GK: variants seen among roughly 807,000 people sequenced by gnomAD.
The protein encoded by GK is ATP:glycerol 3-phosphotransferase.
GK carries 9 observed loss-of-function variants against 56.4 expected under a neutral mutation model. That is an observed-to-expected ratio of 0.16 (90% confidence interval 0.10 to 0.28). The LOEUF (loss-of-function observed/expected upper bound fraction) is 0.28, where lower values mean the gene tolerates loss of function less well. Ranked by LOEUF, GK falls within the 10% of genes least tolerant of loss-of-function variation. The pLI is 1.00. For synonymous variants in GK, 104 were observed against 144.1 expected, an observed-to-expected ratio of 0.72 and a Z score of 1.99; for missense variants, 161 against 431.4, an observed-to-expected ratio of 0.37 and a Z score of 5.55.
At chrX:30,665,421 C>T (rs1933007048) in intron 1 of GK, 90 bp from the exon 2 acceptor site, 1 of 567,933 alleles carries the variant, frequency 1.8e-6, no homozygotes, top group African/African-American at 2.2e-5. Flanking sequence ...CTTTTTCTAC[C>T]AGTGAACAAG....
At chrX:30,655,080 A>G (rs1390961570) in intron 1 of GK, among the ~76,000 whole-genome samples, 1 of 111,842 alleles carries the variant, frequency 8.9e-6, no homozygotes, top group Non-Finnish European at 1.9e-5. Context: ...CTTTCAGTCT[A>G]ATTTTGGTTT....
chrX:30,675,773 G>A (rs751948766), intron 3 of GK, among the ~76,000 whole-genome samples: 17 of 109,645 alleles, frequency 1.6e-4, no homozygotes, highest in African/African-American at 4.6e-4. Flanking sequence ...GGGACTAAAG[G>A]AACACACCAC....
At chrX:30,664,600 TA>T (rs1476660045) in intron 1 of GK, among the ~76,000 whole-genome samples, 1 of 110,303 alleles carries the variant, frequency 9.1e-6, no homozygotes, top group African/African-American at 3.3e-5. Flanking sequence ...TTTAATGTTT[TA>T]TATCAAGGGT....
intron 13 of GK, among the ~76,000 whole-genome samples, chrX:30,710,462 TA>T (rs1240158864): frequency 9.0e-5 from 10 of 111,642 alleles, no homozygotes; most frequent in Non-Finnish European, 1.3e-4. Flanking sequence ...AACAAACATT[TA>T]AAAAAAATTA....
At chrX:30,654,458 T>C (rs766026488) in intron 1 of GK, among the ~76,000 whole-genome samples, 1 of 112,314 alleles carries the variant, frequency 8.9e-6, no homozygotes, top group South Asian at 3.7e-4. Flanking sequence ...TAAAAGTAAT[T>C]GAGGCCGGGC....
At chrX:30,710,460 T>TG (rs1465840804) in intron 13 of GK, among the ~76,000 whole-genome samples, 1 of 111,535 alleles carries the variant, frequency 9.0e-6, no homozygotes, top group African/African-American at 3.3e-5. Context: ...TTAACAAACA[T>TG]TTAAAAAAAA....
chrX:30,672,650 C>T, intron 3 of GK, among the ~76,000 whole-genome samples: 1 of 111,577 alleles, frequency 9.0e-6, no homozygotes. Flanking sequence ...CCCATCTCTA[C>T]TAAAAATACA....
intron 4 of GK, among the ~76,000 whole-genome samples, chrX:30,690,614 T>C (rs1044122279): frequency 3.6e-5 from 4 of 111,736 alleles, no homozygotes; most frequent in Non-Finnish European, 7.5e-5. Context: ...TAAATAAGCA[T>C]TTCATACATA....
chrX:30,675,945 A>G (rs1013074782), intron 3 of GK, among the ~76,000 whole-genome samples: 8 of 111,359 alleles, frequency 7.2e-5, no homozygotes, highest in Non-Finnish European at 3.8e-5. Flanking sequence ...ACATGCCACC[A>G]TGCCTGGCTA....
At chrX:30,681,757 T>C (rs1404039150) in intron 4 of GK, among the ~76,000 whole-genome samples, 1 of 111,761 alleles carries the variant, frequency 8.9e-6, no homozygotes, top group Non-Finnish European at 1.9e-5. Context: ...AAGTTATCAG[T>C]GGAAACAAAG....
chrX:30,712,152 TC>T (rs1936354401), intron 13 of GK, among the ~76,000 whole-genome samples: 1 of 112,458 alleles, frequency 8.9e-6, no homozygotes, highest in African/African-American at 3.2e-5. Flanking sequence ...GCTGTTTTTT[TC>T]ATTGCTTCTT....
rs1266744469 is a variant in GK at position 30,730,471 on chromosome X, A to G, written c.*1729A>G. ...AAGTAGGTTGAGTTCATTGTAAATA[A>G]TTGTGAAAGCCACTGTTCAAATAAT... On this transcript the variant is annotated 3_prime_UTR_variant, in exon 21 of 21. Transcript: ENST00000427190. 7.1e-5 allele frequency: 8 copies of G among 112,215 alleles called. No homozygotes were observed. The highest frequency in any genetic ancestry group is 1.5e-4 in the Non-Finnish European group (8 of 53,281). The allele number at this position is 112,215 out of a possible 1,213,427, so 9.2% of individuals were successfully genotyped here.
chrX:30,689,446 G>A (rs556172138), intron 4 of GK: 10 of 324,023 alleles, frequency 3.1e-5, no homozygotes, highest in Admixed American at 2.9e-4. Flanking sequence ...AAAGCAGGGG[G>A]CAGTTCTTTT....
At chrX:30,674,417 G>T (rs1933740508) in intron 3 of GK, 2 of 327,947 alleles carry the variant, frequency 6.1e-6, no homozygotes, top group Non-Finnish European at 1.2e-5. Flanking sequence ...CATCACAAGG[G>T]CAGCAATAGC....
Position 30,678,026 on chromosome X carries a change from T to C in GK, c.337+574T>C, listed in dbSNP as rs933753488. 1.3e-5 allele frequency: 7 copies of C among 545,617 alleles called. No individual in the cohort carries two copies. In the Admixed American group the frequency reaches 1.5e-4, roughly 11 times the overall value. The allele number at this position is 545,617 out of a possible 1,213,427, so 45.0% of individuals were successfully genotyped here. A position where few individuals can be genotyped will look rare whatever the true frequency, so the allele number is the denominator to read the frequency against. On this transcript the variant is annotated intron_variant, in intron 4 of 20. Coordinates refer to ENST00000427190, the MANE Select transcript of GK (RefSeq NM_001205019.2). ...TACAAATGAGTGAATGTTTGCCAAA[T>C]TGTTTTATAACCCCTGCTGTTTGTG...
intron 3 of GK, chrX:30,671,955 C>G (rs1310978276): frequency 9.1e-6 from 1 of 109,533 alleles, no homozygotes; most frequent in African/African-American, 3.3e-5. Context: ...ACCAGCCTGA[C>G]CAACTTGGAG....
At chrX:30,670,609 T>C (rs868398432) in intron 3 of GK, among the ~76,000 whole-genome samples, 3 of 108,493 alleles carry the variant, frequency 2.8e-5, no homozygotes, top group Admixed American at 1.0e-4. Context: ...TTTTTTTTTT[T>C]CCCAGAAAAT....
chrX:30,704,474 T>C (rs1935878617), intron 11 of GK, among the ~76,000 whole-genome samples: 1 of 109,161 alleles, frequency 9.2e-6, no homozygotes, highest in Admixed American at 9.8e-5. Context: ...GACATATTTA[T>C]GAGGGAGGCA....
Position 30,695,929 on chromosome X carries a change from AT to A in GK, c.553-112del, listed in dbSNP as rs1935214953. On this transcript the variant is annotated intron_variant, in intron 6 of 20. Transcript: ENST00000427190. ...AGTACAGAAAAAAGAAGGTAAAAAAATGTAATGTTCCGTTCTTTTGCTTTAT... is the reference window on the plus strand; with the variant it reads ...AGTACAGAAAAAAGAAGGTAAAAAAAGTAATGTTCCGTTCTTTTGCTTTAT... 9.7e-6 allele frequency: 5 copies of A among 517,492 alleles called. No homozygotes were observed. The South Asian group carries it at 1.3e-4, about 13-fold the overall frequency. The allele number at this position is 517,492 out of a possible 1,213,427, so 42.6% of individuals were successfully genotyped here.
Sources: allele counts gnomAD v4.1 joint callset (sites outside exome capture counted in the v4.1 genomes callset), GRCh38; gene constraint gnomAD v4.1.1; transcripts MANE v1.5; gene names NCBI Gene and HGNC (gene_info 2026-07-23, HGNC 2026-07-21).